The following GOLGA1 variants were observed in gnomAD, a reference collection of about 807,000 sequenced individuals.
The protein encoded by GOLGA1 is golgin subfamily A member 1.
Under a neutral mutation model 119.7 loss-of-function variants are expected in GOLGA1, and 63 were observed. The ratio of observed to expected loss-of-function variants is 0.53; its 90% CI spans 0.43 to 0.65. GOLGA1 has a LOEUF of 0.65. Among genes scored for constraint, GOLGA1 ranks in the 30% least tolerant of loss-of-function variants. The probability of loss-of-function intolerance (pLI) is 0.00; values close to 1 mark genes in which losing one functional copy is unlikely to be tolerated. For synonymous variants in GOLGA1, 318 were observed against 333.4 expected, an observed-to-expected ratio of 0.95 and a Z score of 0.50; for missense variants, 798 against 912.8, an observed-to-expected ratio of 0.87 and a Z score of 1.62.
At chr9:124,939,255 C>T (rs1160230230) in intron 2 of GOLGA1, among the ~76,000 whole-genome samples, 1 of 152,148 alleles carries the variant, frequency 6.6e-6, no homozygotes, top group African/African-American at 2.4e-5. Flanking sequence ...ATCCTTCCTC[C>T]AATAAGCTTA....
chr9:124,889,812 C>G (rs1829815272), intron 16 of GOLGA1, among the ~76,000 whole-genome samples: 1 of 152,210 alleles, frequency 6.6e-6, no homozygotes, highest in Admixed American at 6.5e-5. Context: ...AACAAGCTGT[C>G]ATAACTTCCA....
intron 1 of GOLGA1, chr9:124,947,662 TAC>T (rs1831168642): frequency 6.6e-6 from 1 of 152,178 alleles, no homozygotes; most frequent in Non-Finnish European, 1.5e-5. Flanking sequence ...ACAAAAAGTA[TAC>T]ACAGAGATTG....
Position 124,888,243 on chromosome 9 carries a change from G to A in GOLGA1, c.1905+10C>T. On this transcript the variant is annotated intron_variant, in intron 19 of 22. Transcript: ENST00000373555. This position sits in a 1 kb window ranked among gnomAD's most constrained non-coding sequence, Gnocchi z 4.4. ...GGAGACAGAAACAGCCATGCAAAAGGCATCCTCACCTTATTTTTCTCCAGA... is the reference window on the plus strand; with the variant it reads ...GGAGACAGAAACAGCCATGCAAAAGACATCCTCACCTTATTTTTCTCCAGA... The A allele has an allele frequency of 1.9e-6, 3 of 1,612,998 alleles. No individual in the cohort carries two copies. Among genetic ancestry groups the A allele is most frequent in the Non-Finnish European group, 2.5e-6 (3 of 1,178,998 alleles).
intron 3 of GOLGA1, 61 bp downstream of exon 3, chr9:124,938,516 A>G: frequency 7.3e-7 from 1 of 1,364,278 alleles, no homozygotes; most frequent in Non-Finnish European, 1.0e-6. Flanking sequence ...AAGCAATTTA[A>G]AATATTTATT....
intron 6 of GOLGA1, 88 bp from the exon 7 acceptor site, chr9:124,926,829 C>T: frequency 1.5e-6 from 1 of 649,334 alleles, no homozygotes; most frequent in Non-Finnish European, 2.6e-6. Flanking sequence ...CCCAACTCTT[C>T]CCAGAAAGCA....
intron 10 of GOLGA1, among the ~76,000 whole-genome samples, chr9:124,914,872 C>T (rs1279008271): frequency 6.6e-6 from 1 of 152,250 alleles, no homozygotes; most frequent in Admixed American, 6.5e-5. Flanking sequence ...ACACATCTTA[C>T]ACAGGTCACT....
intron 6 of GOLGA1, 137 bp from the exon 7 acceptor site, chr9:124,926,878 T>C (rs1291255218): frequency 1.8e-6 from 1 of 568,340 alleles, no homozygotes; most frequent in East Asian, 3.0e-5. Flanking sequence ...TAAAAAAAAA[T>C]CTATAAACTT....
chr9:124,883,029 G>C (rs961850126), intron 19 of GOLGA1, among the ~76,000 whole-genome samples: 5 of 152,214 alleles, frequency 3.3e-5, no homozygotes, highest in Admixed American at 3.3e-4. Flanking sequence ...TGCTTATTTT[G>C]AACACCCTAA....
At chr9:124,894,667 C>T (rs973218100) in intron 15 of GOLGA1, among the ~76,000 whole-genome samples, 3 of 152,108 alleles carry the variant, frequency 2.0e-5, no homozygotes, top group African/African-American at 7.2e-5. Context: ...CCTCCCAGGA[C>T]CCCCATCTCA....
intron 3 of GOLGA1, among the ~76,000 whole-genome samples, chr9:124,932,372 T>C (rs1033604374): frequency 2.6e-5 from 4 of 152,224 alleles, no homozygotes; most frequent in African/African-American, 9.7e-5. Context: ...TCCAGCCACT[T>C]GCCCATCCAA....
chr9:124,884,672 C>A (rs1564320059), intron 19 of GOLGA1, among the ~76,000 whole-genome samples: 1 of 152,226 alleles, frequency 6.6e-6, no homozygotes, highest in African/African-American at 2.4e-5. Flanking sequence ...TGACCTCCAA[C>A]ACACCCAATT....
chr9:124,918,044 G>C (rs1830488141), intron 10 of GOLGA1, among the ~76,000 whole-genome samples: 1 of 151,970 alleles, frequency 6.6e-6, no homozygotes, highest in Non-Finnish European at 1.5e-5. Flanking sequence ...TAGAGACAGG[G>C]TTTCTCCATG....
At chr9:124,934,319 T>C (rs1830824713) in intron 3 of GOLGA1, among the ~76,000 whole-genome samples, 1 of 152,140 alleles carries the variant, frequency 6.6e-6, no homozygotes. Flanking sequence ...TTACAGAGGT[T>C]AGCAGAAGAC....
intron 10 of GOLGA1, among the ~76,000 whole-genome samples, chr9:124,915,662 T>G (rs1409320561): frequency 1.3e-5 from 2 of 151,978 alleles, no homozygotes; most frequent in East Asian, 3.9e-4. Context: ...CCAGCCCAGG[T>G]AACACAGGGA....
intron 12 of GOLGA1, among the ~76,000 whole-genome samples, chr9:124,906,094 T>C (rs761458569): frequency 8.3e-5 from 12 of 143,796 alleles, no homozygotes; most frequent in South Asian, 2.2e-4. Context: ...GCCTGGGGGA[T>C]AGAGTGAGAC....
In GOLGA1 at chr9:124,898,542, T is replaced by C; in HGVS notation, c.1407+7A>G. On this transcript the variant is annotated splice_region_variant and intron_variant, in intron 15 of 22. Coordinates refer to ENST00000373555, the MANE Select transcript of GOLGA1 (RefSeq NM_002077.4). The stretch of plus-strand genomic sequence containing the variant: ...TTTATGAAACTTTGATTCAATTAGA[T>C]AAATACCTTCAGCTTCTTTAGTTCA... 6.7e-7 allele frequency: 1 copy of C among 1,489,814 alleles called. No individual in the cohort carries two copies. Among genetic ancestry groups the C allele is most frequent in the East Asian group, 2.3e-5 (1 of 44,302 alleles). The allele number at this position is 1,489,814 out of a possible 1,614,324, so 92.3% of individuals were successfully genotyped here. A position where few individuals can be genotyped will look rare whatever the true frequency, so the allele number is the denominator to read the frequency against.
At chr9:124,911,785 C>CT in intron 11 of GOLGA1, 116 bp downstream of exon 11, 2 of 894,268 alleles carry the variant, frequency 2.2e-6, no homozygotes, top group Non-Finnish European at 3.5e-6. Flanking sequence ...GGAGACACTT[C>CT]TTTTGTTACC....
In GOLGA1 at chr9:124,881,600, C is replaced by T. The variant is rs112896457; in HGVS notation, c.2136+184G>A. 1.5e-4 allele frequency among the ~76,000 whole-genome samples: 23 copies of T among 152,290 alleles called. No homozygotes were observed. The highest frequency in any genetic ancestry group is 5.5e-4 in the African/African-American group (23 of 41,560). ...CTCCCACCAGGAGCCAGTTCCTGCACGGCCTCTCCCGCCAGCCGCTCACTC... is the reference window on the plus strand; with the variant it reads ...CTCCCACCAGGAGCCAGTTCCTGCATGGCCTCTCCCGCCAGCCGCTCACTC... On this transcript the variant is annotated intron_variant, in intron 21 of 22. Coordinates refer to ENST00000373555, the MANE Select transcript of GOLGA1 (RefSeq NM_002077.4). This position sits in a 1 kb window ranked among gnomAD's most constrained non-coding sequence, Gnocchi z 4.9.
chr9:124,881,305 C>T lies in GOLGA1; in HGVS notation c.2137-48G>A, dbSNP rs558176382. ...GCCATAGGCCTTGGTGAAGGTGAGG[C>T]GGGGTGGGGTCGGGGGAGCTACGTG... is the stretch of plus-strand genomic sequence containing the variant. On this transcript the variant is annotated intron_variant, in intron 21 of 22. Transcript: ENST00000373555. The surrounding 1 kb of genome is among the most constrained non-coding windows in gnomAD (Gnocchi z 4.9). The T allele has an allele frequency of 2.8e-6, 3 of 1,086,128 alleles. No homozygotes were observed. Among genetic ancestry groups the T allele is most frequent in the South Asian group, 1.2e-5 (1 of 80,690 alleles). The allele number at this position is 1,086,128 out of a possible 1,614,324, so 67.3% of individuals were successfully genotyped here.
Sources: allele counts gnomAD v4.1 joint callset (sites outside exome capture counted in the v4.1 genomes callset), GRCh38; gene constraint gnomAD v4.1.1; non-coding constraint Gnocchi (gnomAD v3.1); transcripts MANE v1.5; gene names NCBI Gene and HGNC (gene_info 2026-07-23, HGNC 2026-07-21).